Variants in ASB9 observed in about 807,000 individuals in gnomAD.
ASB9 encodes ankyrin repeat and SOCS box protein 9.
A neutral mutation model predicts 16.6 loss-of-function variants in ASB9; 5 were observed. The ratio of observed to expected loss-of-function variants is 0.30; its 90% CI spans 0.16 to 0.63. The LOEUF (loss-of-function observed/expected upper bound fraction) is 0.63, where lower values mean the gene tolerates loss of function less well. Ranked by LOEUF, ASB9 falls within the 30% of genes least tolerant of loss-of-function variation. ASB9 has a pLI of 0.82. For missense variants in ASB9, 216 were observed against 229.4 expected, an observed-to-expected ratio of 0.94 and a Z score of 0.38; for synonymous variants, 100 against 86.4, an observed-to-expected ratio of 1.16 and a Z score of -0.87.
At chrX:15,254,677 G>A (rs776044083) in intron 3 of ASB9, 60 bp downstream of exon 3, 5 of 880,770 alleles carry the variant, frequency 5.7e-6, no homozygotes, top group African/African-American at 2.0e-5. Flanking sequence ...TTATTCAGAA[G>A]GGATATACAT....
chrX:15,256,605 A>G (rs1472412078), intron 2 of ASB9, among the ~76,000 whole-genome samples: 6 of 105,970 alleles, frequency 5.7e-5, no homozygotes, highest in South Asian at 4.2e-4. Flanking sequence ...GTGAAACCCC[A>G]TCTCTACTAA....
chrX:15,244,693 A>AG, intron 6 of ASB9, 63 bp from the exon 7 acceptor site: 1 of 599,067 alleles, frequency 1.7e-6, no homozygotes, highest in South Asian at 3.4e-5. Context: ...CCTTTTTTTT[A>AG]AAAAAAAAAA....
intron 1 of ASB9, among the ~76,000 whole-genome samples, chrX:15,268,511 C>T (rs1447060970): frequency 1.0e-4 from 10 of 98,403 alleles, no homozygotes; most frequent in African/African-American, 3.3e-4. Context: ...CTGCAACCTC[C>T]GCCTCCCGGG....
Position 15,252,282 on chromosome X carries a change from T to C in ASB9, c.405A>G (p.Ala135=). Residue 135 remains alanine, a synonymous_variant, in exon 4 of 7, where the codon GCA becomes GCG. Transcript: ENST00000380488. ...TCCTAGCAGCTTCATGGATGGGGGA[T>C]GCCAGATCACTCTCAGGTTGAACGC... The part of the protein sequence containing the change: ...GASVQPESDL[A]SPIHEAARRG... The C allele has an allele frequency of 8.3e-7, 1 of 1,209,051 alleles. No homozygotes were observed. Among genetic ancestry groups the C allele is most frequent in the Non-Finnish European group, 1.1e-6 (1 of 894,620 alleles).
Position 15,269,985 on chromosome X carries a change from GC to G in ASB9, c.-112del. ...AAATTCCAGTTCTGTGGCTGGCTGA[GC>G]TGCACACGTTCTGGTCAAATGGTCT... On this transcript the variant is annotated 5_prime_UTR_variant, in exon 1 of 7. Coordinates refer to ENST00000380488, the MANE Select transcript of ASB9 (RefSeq NM_001031739.3). 1.7e-6 allele frequency: 1 copy of G among 572,575 alleles called. No homozygotes were observed. Among genetic ancestry groups the G allele is most frequent in the Non-Finnish European group, 2.8e-6 (1 of 362,511 alleles). 47.2% of individuals were successfully genotyped at this position (572,575 alleles called of 1,213,427 possible).
At chrX:15,254,561 G>A (rs902720127) in intron 3 of ASB9, among the ~76,000 whole-genome samples, 176 bp downstream of exon 3, 2 of 112,297 alleles carry the variant, frequency 1.8e-5, no homozygotes, top group Non-Finnish European at 3.8e-5. Context: ...TAAAAATTTA[G>A]TATTTCATCC....
chrX:15,249,588 T>C (rs1405999904), intron 5 of ASB9, among the ~76,000 whole-genome samples: 2 of 112,642 alleles, frequency 1.8e-5, no homozygotes, highest in African/African-American at 3.2e-5. Flanking sequence ...TGTGGGAACA[T>C]GTGGCTTTGC....
chrX:15,247,511 C>T (rs188965862), intron 6 of ASB9, among the ~76,000 whole-genome samples: 53 of 111,977 alleles, frequency 4.7e-4, no homozygotes, highest in African/African-American at 1.7e-3. Flanking sequence ...ACCTGAGGCA[C>T]TTTTGCCTTT....
chrX:15,254,540 G>A (rs182921725), intron 3 of ASB9, among the ~76,000 whole-genome samples, 197 bp downstream of exon 3: 2 of 112,310 alleles, frequency 1.8e-5, no homozygotes, highest in African/African-American at 6.5e-5. Flanking sequence ...GATATAGACT[G>A]TAAGCGTGAC....
intron 1 of ASB9, among the ~76,000 whole-genome samples, chrX:15,267,529 G>C (rs1239462037): frequency 1.2e-5 from 1 of 85,854 alleles, no homozygotes; most frequent in Non-Finnish European, 2.3e-5. Flanking sequence ...CGGATCACGA[G>C]GTCAGGAGAT....
intron 3 of ASB9, 135 bp downstream of exon 3, chrX:15,254,602 A>T (rs747780209): frequency 1.9e-6 from 1 of 524,049 alleles, no homozygotes; most frequent in East Asian, 3.3e-5. Context: ...AGCCTGATGA[A>T]CATAATTTTC....
intron 5 of ASB9, among the ~76,000 whole-genome samples, chrX:15,250,206 C>CATT (rs1490938727): frequency 9.1e-6 from 1 of 109,509 alleles, no homozygotes; most frequent in East Asian, 2.9e-4. Flanking sequence ...TCATCATCAT[C>CATT]ATCCTCCTCC....
In ASB9 at chrX:15,252,091, C is replaced by T. The variant is rs372631280; in HGVS notation, c.433+163G>A. The stretch of plus-strand genomic sequence containing the variant: ...TGATTCAATGGGGCTGGAGTGAGGC[C>T]GAAGAATCTGCATTTGCAGGCCAGG... On this transcript the variant is annotated intron_variant, in intron 4 of 6. Transcript: ENST00000380488. Among the ~76,000 whole-genome samples, 62 of 112,599 alleles carry T rather than the reference C, an allele frequency of 5.5e-4. 2 individuals carry two copies. The East Asian group carries it at 7.8e-3, about 14-fold the overall frequency.
At chrX:15,248,578 T>C in intron 6 of ASB9, 166 bp downstream of exon 6, 1 of 882,420 alleles carries the variant, frequency 1.1e-6, no homozygotes, top group East Asian at 3.4e-5. Flanking sequence ...CTGTGACCAG[T>C]ACTGTATCTC....
At chrX:15,254,608 T>C in intron 3 of ASB9, 129 bp downstream of exon 3, 1 of 540,732 alleles carries the variant, frequency 1.8e-6, no homozygotes, top group Non-Finnish European at 3.1e-6. Context: ...ATGAACATAA[T>C]TTTCTTGAAA....
In ASB9 at chrX:15,244,560, C is replaced by A. The variant is rs760625112; in HGVS notation, c.831G>T (p.Lys277Asn). ...CCTCTGGGAGGACGAGTTTGGTTATCTTATGATGCTGCTGGATTCCAAAAC... is the reference window on the plus strand; with the variant it reads ...CCTCTGGGAGGACGAGTTTGGTTATATTATGATGCTGCTGGATTCCAAAAC... The part of the protein sequence containing the change: ...RKCFGIQQHH[K>N]ITKLVLPEDL... Residue 277 changes from lysine (K) to asparagine (N), a missense_variant, in exon 7 of 7, where the codon AAG becomes AAT. Transcript: ENST00000380488. The A allele has an allele frequency of 8.4e-7, 1 of 1,194,667 alleles. No homozygotes were observed. Among genetic ancestry groups the A allele is most frequent in the African/African-American group, 1.8e-5 (1 of 56,666 alleles).
intron 1 of ASB9, among the ~76,000 whole-genome samples, chrX:15,263,002 A>C (rs1926098387): frequency 8.9e-6 from 1 of 112,390 alleles, no homozygotes; most frequent in Non-Finnish European, 1.9e-5. Flanking sequence ...GCAAGAACTT[A>C]TCTTTCTTTT....
intron 1 of ASB9, among the ~76,000 whole-genome samples, chrX:15,265,781 C>A (rs12687599): frequency 0.39 from 41,721 of 107,597 alleles, 6,905 homozygotes; most frequent in South Asian, 0.61. Flanking sequence ...GGACTACAGG[C>A]ATGTGCCAAC....
At position 15,262,077 on chromosome X, in the gene ASB9, A is replaced by G. The variant is rs370298395; in HGVS notation, c.95-3132T>C. On this transcript the variant is annotated intron_variant, in intron 1 of 6. Coordinates refer to ENST00000380488, the MANE Select transcript of ASB9 (RefSeq NM_001031739.3). ...TTGCAACTGGCTTCTTTTATTTAGC[A>G]TGTTTCAAAGTTTCATCCATGTTGT... is the stretch of plus-strand genomic sequence containing the variant. Among the ~76,000 whole-genome samples the G allele has an allele frequency of 7.4e-5, 8 of 108,081 alleles. No individual in the cohort carries two copies. In the East Asian group the frequency reaches 1.5e-3, roughly 20 times the overall value. The allele number at this position is 108,081 out of a possible 115,157, so 93.9% of individuals were successfully genotyped here. A position where few individuals can be genotyped will look rare whatever the true frequency, so the allele number is the denominator to read the frequency against.
Sources: allele counts gnomAD v4.1 joint callset (sites outside exome capture counted in the v4.1 genomes callset), GRCh38; gene constraint gnomAD v4.1.1; transcripts MANE v1.5; gene names NCBI Gene and HGNC (gene_info 2026-07-23, HGNC 2026-07-21).